ZNF560: variants seen among roughly 807,000 people sequenced by gnomAD.
ZNF560 encodes zinc finger protein 560.
Under a neutral mutation model 81.8 loss-of-function variants are expected in ZNF560, and 54 were observed. The ratio of observed to expected loss-of-function variants is 0.66; its 90% confidence interval spans 0.53 to 0.83. The LOEUF is 0.83. Ranked by LOEUF, ZNF560 falls within the 40% of genes least tolerant of loss-of-function variation. The pLI, the probability that ZNF560 is intolerant of heterozygous loss-of-function variation, is 0.00. For missense variants in ZNF560, 940 were observed against 932.4 expected, an observed-to-expected ratio of 1.01 and a Z score of -0.11; for synonymous variants, 321 against 317.9, an observed-to-expected ratio of 1.01 and a Z score of -0.10.
At chr19:9,492,217 G>C (rs150984996) in intron 2 of ZNF560, among the ~76,000 whole-genome samples, 258 of 152,186 alleles carry the variant, frequency 1.7e-3, no homozygotes, top group Non-Finnish European at 2.9e-3. Context: ...TGTTGCCCAG[G>C]TTAGTCTTGA....
the ZNF560 span, among the ~76,000 whole-genome samples, chr19:9,459,332 A>G: frequency 6.6e-6 from 1 of 152,254 alleles, no homozygotes; most frequent in Admixed American, 6.5e-5. Context: ...CTGCAAAGGC[A>G]GAAGTGGAAC....
intron 2 of ZNF560, among the ~76,000 whole-genome samples, chr19:9,484,188 A>G (rs906255900): frequency 1.3e-5 from 2 of 152,140 alleles, no homozygotes; most frequent in African/African-American, 4.8e-5. Context: ...TAGGAAAACC[A>G]GAGACCTTTG....
the ZNF560 span, among the ~76,000 whole-genome samples, chr19:9,452,316 G>A: frequency 6.6e-6 from 1 of 152,188 alleles, no homozygotes; most frequent in Non-Finnish European, 1.5e-5. Context: ...CTGTTGGTTG[G>A]AATGTACTGT....
chr19:9,483,904 T>A (rs923438889), intron 2 of ZNF560, among the ~76,000 whole-genome samples: 1 of 152,198 alleles, frequency 6.6e-6, no homozygotes, highest in South Asian at 2.1e-4. Flanking sequence ...TGTGTCTGTG[T>A]AGAAAGAAGT....
downstream of ZNF560, among the ~76,000 whole-genome samples, chr19:9,465,078 A>G (rs919024020): frequency 6.6e-6 from 1 of 152,184 alleles, no homozygotes; most frequent in Non-Finnish European, 1.5e-5. Context: ...ATCTTACATA[A>G]AAAGGGTTTA....
In ZNF560 at chr19:9,468,030, T is replaced by C; in HGVS notation, c.917A>G (p.Tyr306Cys). 6.2e-7 allele frequency: 1 copy of C among 1,614,160 alleles called. No homozygotes were observed. Among genetic ancestry groups the C allele is most frequent in the Non-Finnish European group, 8.5e-7 (1 of 1,180,026 alleles). Residue 306 changes from tyrosine (Y) to cysteine (C), a missense_variant, in exon 10 of 10, where the codon TAC (tyrosine) becomes TGC (cysteine). By Grantham distance (194) the Tyr-to-Cys change is radical (BLOSUM62 -2). Transcript: ENST00000301480. ...CTGAGTTTTCCTGTGTGCTTCAAGG[T>C]ATGACTGATAAATGAAGGCTTTCCC... ...DYGKAFIYQSYLEAHRKTQSG... is the reference protein window; with the variant it reads ...DYGKAFIYQSCLEAHRKTQSG...
the ZNF560 span, among the ~76,000 whole-genome samples, chr19:9,460,694 C>T: frequency 6.6e-6 from 1 of 152,222 alleles, no homozygotes; most frequent in Non-Finnish European, 1.5e-5. Context: ...GGCAGTTACA[C>T]ATGCTTTCTG....
chr19:9,458,747 C>T, the ZNF560 span, among the ~76,000 whole-genome samples: 3 of 152,156 alleles, frequency 2.0e-5, no homozygotes, highest in South Asian at 2.1e-4. Context: ...ATTTAACACA[C>T]GTTAATGTCT....
At chr19:9,489,300 G>A (rs938876699) in intron 2 of ZNF560, among the ~76,000 whole-genome samples, 2 of 151,538 alleles carry the variant, frequency 1.3e-5, no homozygotes. Flanking sequence ...GCCGGTTAGA[G>A]GCACTCCTCA....
chr19:9,467,235 G>C lies in ZNF560; in HGVS notation c.1712C>G (p.Pro571Arg). The change falls in exon 10 of 10, where the codon CCC becomes CGC. Residue 571 changes from proline to arginine, a missense_variant. Physicochemically the swap from Pro to Arg is moderately radical, Grantham distance 103 (BLOSUM62 -2). Transcript: ENST00000301480. ...TTTCCCACATTTCATACATTCATAG[G>C]GTTTCTCTCCAGCGTGTGTTCGTAA... is the stretch of plus-strand genomic sequence containing the variant. ...KHLRTHAGEK[P>R]YECMKCGKAF... The C allele has an allele frequency of 6.2e-7, 1 of 1,614,120 alleles. No individual in the cohort carries two copies. The highest frequency in any genetic ancestry group is 8.5e-7 in the Non-Finnish European group (1 of 1,180,026).
intron 2 of ZNF560, among the ~76,000 whole-genome samples, chr19:9,494,014 T>A (rs2073514007): frequency 6.7e-6 from 1 of 149,618 alleles, no homozygotes; most frequent in South Asian, 2.1e-4. Context: ...GCACCTGTAA[T>A]CCCAGCTACT....
At chr19:9,478,800 G>A (rs1179203773) in intron 2 of ZNF560, among the ~76,000 whole-genome samples, 1 of 151,810 alleles carries the variant, frequency 6.6e-6, no homozygotes, top group African/African-American at 2.4e-5. Context: ...AGAATCAAAA[G>A]TACACTAGAG....
At chr19:9,502,110 T>A (rs991540255), upstream of ZNF560, among the ~76,000 whole-genome samples, 20 of 151,636 alleles carry the variant, frequency 1.3e-4, no homozygotes, top group East Asian at 3.1e-3. Context: ...GCTGAAATCA[T>A]GCCACTGCAC....
chr19:9,464,327 T>C (rs1237842621), downstream of ZNF560, among the ~76,000 whole-genome samples: 2 of 152,200 alleles, frequency 1.3e-5, no homozygotes, highest in Admixed American at 1.3e-4. Flanking sequence ...GAGTCAGGCA[T>C]ATATGACTGC....
the ZNF560 span, among the ~76,000 whole-genome samples, chr19:9,460,756 C>G: frequency 6.6e-6 from 1 of 152,148 alleles, no homozygotes; most frequent in African/African-American, 2.4e-5. Flanking sequence ...GCATACCGCC[C>G]TCAAAAACCT....
intron 4 of ZNF560, among the ~76,000 whole-genome samples, chr19:9,473,781 C>G (rs1417444236): frequency 6.6e-6 from 1 of 151,944 alleles, no homozygotes; most frequent in Admixed American, 6.6e-5. Context: ...AAGCAATAAC[C>G]TTTTAGTCAC....
intron 2 of ZNF560, among the ~76,000 whole-genome samples, chr19:9,478,514 T>A (rs1037440481): frequency 6.6e-6 from 1 of 152,144 alleles, no homozygotes; most frequent in Non-Finnish European, 1.5e-5. Context: ...AACACTGTAA[T>A]GGTGGTTTAT....
At chr19:9,485,361 T>C (rs960973056) in intron 2 of ZNF560, among the ~76,000 whole-genome samples, 1 of 151,910 alleles carries the variant, frequency 6.6e-6, no homozygotes, top group Non-Finnish European at 1.5e-5. Context: ...AATGCACGGA[T>C]GGTTCAACAT....
At chr19:9,460,831 C>T in the ZNF560 span, among the ~76,000 whole-genome samples, 2 of 152,200 alleles carry the variant, frequency 1.3e-5, no homozygotes, top group African/African-American at 2.4e-5. Context: ...GATTGCATTG[C>T]AGGACAGGCA....
Sources: allele counts gnomAD v4.1 joint callset (sites outside exome capture counted in the v4.1 genomes callset), GRCh38; gene constraint gnomAD v4.1.1; transcripts MANE v1.5; gene names NCBI Gene and HGNC (gene_info 2026-07-23, HGNC 2026-07-21).